The following TUSC3 variants were observed in gnomAD, a reference collection of about 807,000 sequenced individuals.
The protein encoded by TUSC3 is tumor suppressor candidate 3, also known as dolichyl-diphosphooligosaccharide--protein glycosyltransferase subunit TUSC3.
Under a neutral mutation model 44.8 loss-of-function variants are expected in TUSC3, and 45 were observed. The ratio of observed to expected loss-of-function variants is 1.00; its 90% CI spans 0.79 to 1.29. TUSC3 has a LOEUF of 1.29. TUSC3 is among the 50% of genes most tolerant of loss of function. The probability of loss-of-function intolerance (pLI) is 0.00; values close to 1 mark genes in which losing one functional copy is unlikely to be tolerated. For missense variants in TUSC3, 519 were observed against 437.9 expected (o/e 1.19, Z -1.65); for synonymous variants, 212 against 152.9 (o/e 1.39, Z -2.85).
intron 2 of TUSC3, among the ~76,000 whole-genome samples, chr8:15,646,864 T>C (rs1307043240): frequency 6.6e-6 from 1 of 152,188 alleles, no homozygotes; most frequent in Non-Finnish European, 1.5e-5. Flanking sequence ...ACATTCTTGT[T>C]ATGATAGGTA....
chr8:15,775,778 C>T, the TUSC3 span, among the ~76,000 whole-genome samples: 1 of 124,312 alleles, frequency 8.0e-6, no homozygotes, highest in African/African-American at 3.2e-5. Context: ...ATATATATAT[C>T]TTCCGTAATA....
chr8:15,648,546 G>A (rs1452786819), intron 2 of TUSC3, among the ~76,000 whole-genome samples: 1 of 151,494 alleles, frequency 6.6e-6, no homozygotes, highest in Non-Finnish European at 1.5e-5. Context: ...CTAAGACGGT[G>A]AAACCCTGTT....
At chr8:15,541,391 A>G (rs190274911) in intron 1 of TUSC3, among the ~76,000 whole-genome samples, 3 of 152,314 alleles carry the variant, frequency 2.0e-5, no homozygotes, top group Non-Finnish European at 4.4e-5. Context: ...AGGGTTTCTA[A>G]TTGTGGACCA....
chr8:15,671,299 G>C (rs1190367502), intron 5 of TUSC3, among the ~76,000 whole-genome samples: 1 of 151,896 alleles, frequency 6.6e-6, no homozygotes, highest in Non-Finnish European at 1.5e-5. Context: ...TATGAATCAT[G>C]CCCTTTTTTG....
chr8:15,618,993 G>A lies in TUSC3; in HGVS notation c.139-4087G>A, dbSNP rs549038244. Among the ~76,000 whole-genome samples, 381 of 152,286 alleles carry A rather than the reference G, an allele frequency of 2.5e-3. 22 individuals are homozygous for A. In the South Asian group the frequency reaches 0.078, roughly 31 times the overall value. On this transcript the variant is annotated intron_variant, in intron 1 of 10. Coordinates refer to ENST00000503731, the MANE Select transcript of TUSC3 (RefSeq NM_006765.4). The stretch of plus-strand genomic sequence containing the variant: ...TGTATTTCTGTGGGTTTTGGCAAAT[G>A]CAGTCATGGCTCTACCACTAGTCAC...
At chr8:15,607,465 T>C (rs1804578982) in intron 1 of TUSC3, among the ~76,000 whole-genome samples, 1 of 152,040 alleles carries the variant, frequency 6.6e-6, no homozygotes, top group Non-Finnish European at 1.5e-5. Flanking sequence ...CAAAGCAAAA[T>C]AGAAATAAAG....
chr8:15,617,085 A>G (rs1805019151), intron 1 of TUSC3, among the ~76,000 whole-genome samples: 1 of 147,098 alleles, frequency 6.8e-6, no homozygotes, highest in South Asian at 2.1e-4. Context: ...ACTCACTCAT[A>G]CAAGTCTATA....
At chr8:15,638,065 C>T (rs985632534) in intron 2 of TUSC3, among the ~76,000 whole-genome samples, 1 of 152,092 alleles carries the variant, frequency 6.6e-6, no homozygotes, top group African/African-American at 2.4e-5. Flanking sequence ...TCTTTATGTT[C>T]CACAGTAGCC....
chr8:15,475,185 C>A (rs1800559246), intron 1 of TUSC3, among the ~76,000 whole-genome samples: 1 of 151,902 alleles, frequency 6.6e-6, no homozygotes, highest in Admixed American at 6.6e-5. Flanking sequence ...ATTTAGTCGT[C>A]AACATTCCAA....
At chr8:15,819,740 G>T in the TUSC3 span, among the ~76,000 whole-genome samples, 5 of 152,178 alleles carry the variant, frequency 3.3e-5, no homozygotes, top group Non-Finnish European at 5.9e-5. Flanking sequence ...GTAGAAAGAT[G>T]ATGCAAAATG....
chr8:15,679,331 T>C (rs898765272), intron 6 of TUSC3, among the ~76,000 whole-genome samples: 7 of 152,178 alleles, frequency 4.6e-5, no homozygotes, highest in African/African-American at 1.7e-4. Flanking sequence ...CATTGTAGTT[T>C]TGATTGGCGT....
At chr8:15,424,138 A>G (rs34427767) in intron 1 of TUSC3, among the ~76,000 whole-genome samples, 114,393 of 151,354 alleles carry the variant, frequency 0.76, 43,608 homozygotes, top group Non-Finnish European at 0.78. Flanking sequence ...CTACAGGCAC[A>G]CGCCACCACT....
intron 2 of TUSC3, among the ~76,000 whole-genome samples, chr8:15,493,401 T>C (rs13248226): frequency 0.27 from 41,262 of 151,842 alleles, 5,809 homozygotes; most frequent in Non-Finnish European, 0.31. Context: ...GTTGGGGTTA[T>C]ACAGGCATGC....
chr8:15,625,510 C>T (rs902107826), intron 2 of TUSC3, among the ~76,000 whole-genome samples: 1 of 152,152 alleles, frequency 6.6e-6, no homozygotes, highest in East Asian at 1.9e-4. Context: ...TAATCCATTT[C>T]CTCGATGGTT....
At chr8:15,462,390 C>T (rs912877550) in intron 1 of TUSC3, among the ~76,000 whole-genome samples, 3 of 151,900 alleles carry the variant, frequency 2.0e-5, no homozygotes, top group African/African-American at 7.3e-5. Flanking sequence ...ATACAAATGG[C>T]CAACTGCTAT....
At chr8:15,563,685 CAAAAAAAAAAAAA>C (rs150368776) in intron 1 of TUSC3, among the ~76,000 whole-genome samples, 1 of 79,974 alleles carries the variant, frequency 1.3e-5, no homozygotes, top group African/African-American at 5.5e-5. Flanking sequence ...GCCTCCATCT[CAAAAAAAAAAAAA>C]AAAAAAAGAA....
At chr8:15,708,261 A>G (rs1374343267) in intron 6 of TUSC3, among the ~76,000 whole-genome samples, 1 of 151,964 alleles carries the variant, frequency 6.6e-6, no homozygotes, top group East Asian at 1.9e-4. Context: ...AGGAAATGGA[A>G]TAAATGGAGT....
At position 15,723,645 on chromosome 8, in the gene TUSC3, A is replaced by G. The variant is rs570862848; in HGVS notation, c.799-7021A>G. Among the ~76,000 whole-genome samples the G allele has an allele frequency of 1.6e-3, 237 of 152,266 alleles. 2 individuals are homozygous for G. Among genetic ancestry groups the G allele is most frequent in the African/African-American group, 5.6e-3 (231 of 41,558 alleles). On this transcript the variant is annotated intron_variant, in intron 6 of 10. Coordinates refer to ENST00000503731, the MANE Select transcript of TUSC3 (RefSeq NM_006765.4). ...TAATGCTGCCTCAAAGAAGGCCCCA[A>G]GGATAGGACTACAAACATGTAACTA...
the TUSC3 span, among the ~76,000 whole-genome samples, chr8:15,771,797 A>C: frequency 3.3e-5 from 5 of 152,118 alleles, no homozygotes; most frequent in Admixed American, 3.3e-4. Context: ...GTATTAAAAA[A>C]AAGAAGAAAG....
Sources: allele counts gnomAD v4.1 joint callset (sites outside exome capture counted in the v4.1 genomes callset), GRCh38; gene constraint gnomAD v4.1.1; transcripts MANE v1.5; gene names NCBI Gene and HGNC (gene_info 2026-07-23, HGNC 2026-07-21).